Variants in CDH18 observed in about 807,000 individuals in gnomAD.
CDH18 encodes cadherin 18, also known as cadherin-18.
Under a neutral mutation model 67.9 loss-of-function variants are expected in CDH18, and 31 were observed. The ratio of observed to expected loss-of-function variants is 0.46; its 90% CI spans 0.34 to 0.62. The LOEUF (loss-of-function observed/expected upper bound fraction) is 0.62, where lower values mean the gene tolerates loss of function less well. CDH18 is among the 20% of genes least tolerant of loss of function. The pLI is 0.01. For missense variants in CDH18, 890 were observed against 975.5 expected (o/e 0.91, Z 1.17); for synonymous variants, 362 against 347.2 (o/e 1.04, Z -0.48).
intron 2 of CDH18, among the ~76,000 whole-genome samples, chr5:20,100,465 G>A (rs1746360324): frequency 6.6e-6 from 1 of 152,118 alleles, no homozygotes; most frequent in African/African-American, 2.4e-5. Context: ...CCTAATATAT[G>A]TATCTAAATT....
intron 2 of CDH18, among the ~76,000 whole-genome samples, chr5:20,021,539 C>T (rs1184072529): frequency 6.6e-6 from 1 of 152,058 alleles, no homozygotes; most frequent in Non-Finnish European, 1.5e-5. Context: ...AGTGAGTTCC[C>T]ATGAGAACTG....
intron 2 of CDH18, among the ~76,000 whole-genome samples, chr5:20,253,504 C>A (rs866822170): frequency 6.6e-6 from 1 of 152,148 alleles, no homozygotes; most frequent in African/African-American, 2.4e-5. Flanking sequence ...TCCAAGGGAT[C>A]CAAAGAATCC....
intron 1 of CDH18, among the ~76,000 whole-genome samples, chr5:20,424,816 G>A (rs1215786255): frequency 7.0e-6 from 1 of 142,912 alleles, no homozygotes; most frequent in South Asian, 2.2e-4. Flanking sequence ...CAGACACTAG[G>A]AAAAACAAGA....
chr5:19,710,869 T>A (rs577407178), intron 5 of CDH18, among the ~76,000 whole-genome samples: 1 of 152,128 alleles, frequency 6.6e-6, no homozygotes, highest in African/African-American at 2.4e-5. Flanking sequence ...AAGGCTATCA[T>A]AACCAAACAG....
At chr5:19,555,219 C>A (rs1445634863) in intron 8 of CDH18, among the ~76,000 whole-genome samples, 1 of 152,146 alleles carries the variant, frequency 6.6e-6, no homozygotes, top group Non-Finnish European at 1.5e-5. Context: ...ACACTGTGAA[C>A]TTTTGCTCCA....
chr5:19,762,601 G>A (rs555627944), intron 3 of CDH18, among the ~76,000 whole-genome samples: 93 of 152,160 alleles, frequency 6.1e-4, no homozygotes, highest in African/African-American at 2.1e-3. Flanking sequence ...GGAAATAACA[G>A]GTGTTGGAGA....
intron 9 of CDH18, among the ~76,000 whole-genome samples, chr5:19,533,592 G>A (rs1055950912): frequency 1.3e-5 from 2 of 151,996 alleles, no homozygotes; most frequent in African/African-American, 4.8e-5. Context: ...TGAGGACAGG[G>A]GCATGCTTTA....
chr5:20,109,977 T>C (rs1580264376), intron 2 of CDH18, among the ~76,000 whole-genome samples: 1 of 152,302 alleles, frequency 6.6e-6, no homozygotes, highest in East Asian at 1.9e-4. Flanking sequence ...GTATTAAGGA[T>C]ACTAGTTTGG....
intron 2 of CDH18, among the ~76,000 whole-genome samples, chr5:19,877,400 A>G (rs190011840): frequency 6.6e-6 from 1 of 152,120 alleles, no homozygotes; most frequent in East Asian, 1.9e-4. Context: ...TCCTAACAAG[A>G]AAAATGTGAA....
intron 1 of CDH18, among the ~76,000 whole-genome samples, chr5:20,289,996 T>C (rs1024518132): frequency 5.9e-5 from 9 of 152,206 alleles, no homozygotes; most frequent in African/African-American, 2.2e-4. Context: ...ATCTGGAATT[T>C]GAAAAATGGT....
intron 2 of CDH18, among the ~76,000 whole-genome samples, chr5:20,245,443 T>C (rs1352792463): frequency 1.3e-5 from 2 of 152,120 alleles, no homozygotes; most frequent in African/African-American, 4.8e-5. Context: ...CCAGTTGTGA[T>C]ACGAGAGAAG....
At chr5:20,556,587 C>T (rs958215009) in intron 1 of CDH18, among the ~76,000 whole-genome samples, 2 of 152,120 alleles carry the variant, frequency 1.3e-5, no homozygotes, top group Admixed American at 6.6e-5. Flanking sequence ...TTTACACAAA[C>T]CTAGCATATG....
intron 3 of CDH18, among the ~76,000 whole-genome samples, chr5:19,808,318 C>CA (rs144547566): frequency 0.053 from 7,054 of 133,064 alleles, 438 homozygotes; most frequent in African/African-American, 0.16. Flanking sequence ...ACAACAACAA[C>CA]AAAAAAAAAA....
intron 1 of CDH18, among the ~76,000 whole-genome samples, chr5:20,292,258 G>A (rs575278049): frequency 1.3e-5 from 2 of 152,270 alleles, no homozygotes; most frequent in Non-Finnish European, 2.9e-5. Context: ...GAGACAGTAA[G>A]TTTTCACTTG....
chr5:20,090,750 C>T lies in CDH18; in HGVS notation c.-517-98736G>A, dbSNP rs370533405. Among the ~76,000 whole-genome samples, 93 of 152,112 alleles carry T rather than the reference C, an allele frequency of 6.1e-4. 2 individuals are homozygous for T. The South Asian group carries it at 0.018, about 30-fold the overall frequency. On this transcript the variant is annotated intron_variant, in intron 2 of 14. Transcript: ENST00000507958. ...GAAAAGAAAAAAAAAGAAATACTGGCTGGGTGCGGTGACTCACACCAGTAA... is the reference window on the plus strand; with the variant it reads ...GAAAAGAAAAAAAAAGAAATACTGGTTGGGTGCGGTGACTCACACCAGTAA...
intron 2 of CDH18, among the ~76,000 whole-genome samples, chr5:20,182,164 A>G (rs1448707991): frequency 6.6e-6 from 1 of 152,132 alleles, no homozygotes; most frequent in Non-Finnish European, 1.5e-5. Flanking sequence ...AGCAAAACCA[A>G]GAGAACATTA....
chr5:19,875,731 AT>A (rs1210565069), intron 2 of CDH18, among the ~76,000 whole-genome samples: 24 of 151,968 alleles, frequency 1.6e-4, no homozygotes, highest in African/African-American at 5.8e-4. Flanking sequence ...TTTTTCCTTA[AT>A]TTTTATCAGT....
At chr5:19,628,709 C>A (rs1751940835) in intron 5 of CDH18, among the ~76,000 whole-genome samples, 1 of 151,968 alleles carries the variant, frequency 6.6e-6, no homozygotes, top group African/African-American at 2.4e-5. Flanking sequence ...CTCAAGCAGA[C>A]ATATTCAGCT....
intron 5 of CDH18, among the ~76,000 whole-genome samples, chr5:19,705,912 T>C (rs1384087911): frequency 6.6e-6 from 1 of 152,118 alleles, no homozygotes; most frequent in Non-Finnish European, 1.5e-5. Flanking sequence ...CTAATTGGGT[T>C]CTCCCTAAAA....
Sources: gnomAD v4.1 joint callset for allele counts (sites outside exome capture counted in the v4.1 genomes callset) on GRCh38, gnomAD v4.1.1 for gene constraint, MANE v1.5 for transcripts, NCBI Gene and HGNC (gene_info 2026-07-23, HGNC 2026-07-21) for gene names.